ZNF496: variants seen among roughly 807,000 people sequenced by gnomAD.
The protein encoded by ZNF496 is NSD1 (nuclear receptor binding SET-domain containing 1)-interacting zinc finger protein 1.
A neutral mutation model predicts 58.9 loss-of-function variants in ZNF496; 11 were observed. That is an observed-to-expected ratio of 0.19 (90% CI 0.12 to 0.31). The LOEUF is 0.31. Among genes scored for constraint, ZNF496 ranks in the 10% least tolerant of loss-of-function variants. The pLI, the probability that ZNF496 is intolerant of heterozygous loss-of-function variation, is 1.00. For synonymous variants in ZNF496, 338 were observed against 318.2 expected (o/e 1.06, Z -0.66); for missense variants, 660 against 783.0 (o/e 0.84, Z 1.88).
intron 5 of ZNF496, among the ~76,000 whole-genome samples, chr1:247,327,062 CT>C (rs928729699): frequency 6.0e-5 from 9 of 151,242 alleles, no homozygotes; most frequent in African/African-American, 1.9e-4. Context: ...CTCCTAGCTC[CT>C]TTTTTTTTGT....
intron 9 of ZNF496, among the ~76,000 whole-genome samples, chr1:247,302,430 C>T (rs902719856): frequency 4.0e-5 from 6 of 151,856 alleles, no homozygotes; most frequent in South Asian, 2.1e-4. Flanking sequence ...CAAGAACCCA[C>T]GTAGTATAGG....
chr1:247,307,321 T>C (rs1659445638), intron 9 of ZNF496: 1 of 985,482 alleles, frequency 1.0e-6, no homozygotes, highest in Non-Finnish European at 1.2e-6. Context: ...CCTTGGCTTC[T>C]GGCTGTTTCA....
At chr1:247,303,535 G>A (rs1371434149) in intron 9 of ZNF496, among the ~76,000 whole-genome samples, 3 of 152,238 alleles carry the variant, frequency 2.0e-5, no homozygotes, top group Non-Finnish European at 2.9e-5. Flanking sequence ...GTAGAAATAC[G>A]GACGTTATAG....
In ZNF496 at chr1:247,308,695, G is replaced by A; in HGVS notation, c.893-107C>T. The A allele has an allele frequency of 9.2e-7, 1 of 1,083,210 alleles. No individual in the cohort carries two copies. The highest frequency in any genetic ancestry group is 1.4e-6 in the Non-Finnish European group (1 of 732,094). The allele number at this position is 1,083,210 out of a possible 1,614,324, so 67.1% of individuals were successfully genotyped here. On this transcript the variant is annotated intron_variant, in intron 8 of 9. Coordinates refer to ENST00000682384, the MANE Select transcript of ZNF496 (RefSeq NM_032752.3). This position sits in a 1 kb window ranked among gnomAD's most constrained non-coding sequence, Gnocchi z 4.5. ...AGGCTACGATCTGGGGGCGGCCCTG[G>A]GCTCCGTCCTGGGGACTGGCAGGGG... is the stretch of plus-strand genomic sequence containing the variant.
chr1:247,312,067 A>G (rs979734804), intron 6 of ZNF496: 3 of 152,230 alleles, frequency 2.0e-5, no homozygotes, highest in African/African-American at 7.2e-5. Flanking sequence ...TCTCCTAAAC[A>G]GGCTGGCTCA....
chr1:247,330,990 C>T (rs1317304634), intron 2 of ZNF496, among the ~76,000 whole-genome samples: 1 of 152,252 alleles, frequency 6.6e-6, no homozygotes, highest in African/African-American at 2.4e-5. Flanking sequence ...CTCCCCACCA[C>T]CGGATCGCTT....
intron 6 of ZNF496, among the ~76,000 whole-genome samples, chr1:247,317,579 CCG>C (rs1659825897): frequency 6.6e-6 from 1 of 152,156 alleles, no homozygotes; most frequent in East Asian, 1.9e-4. Context: ...AGCCCCCCCC[CCG>C]CCACCAGTGG....
At chr1:247,324,529 C>CTTT (rs35060178) in intron 5 of ZNF496, among the ~76,000 whole-genome samples, 3 of 147,844 alleles carry the variant, frequency 2.0e-5, no homozygotes, top group African/African-American at 5.0e-5. Context: ...ATTAGCTTGA[C>CTTT]TTTTTTTTTT....
intron 5 of ZNF496, among the ~76,000 whole-genome samples, chr1:247,325,720 C>CCTGG (rs1660097694): frequency 6.6e-6 from 1 of 152,070 alleles, no homozygotes; most frequent in African/African-American, 2.4e-5. Context: ...GTCTCAAACT[C>CCTGG]CTGGCCTCAA....
Position 247,328,881 on chromosome 1 carries a change from A to T in ZNF496, c.391-15T>A. The stretch of plus-strand genomic sequence containing the variant: ...CAGTGCTTGAGCTGCAATCCCAGAG[A>T]CAGCTTTTCAGGGCTAGGGGAAGAG... On this transcript the variant is annotated splice_polypyrimidine_tract_variant and intron_variant, in intron 4 of 9. Transcript: ENST00000682384. 1 of 1,572,672 alleles carries T rather than the reference A, an allele frequency of 6.4e-7. No individual in the cohort carries two copies. The highest frequency in any genetic ancestry group is 8.6e-7 in the Non-Finnish European group (1 of 1,158,600).
At chr1:247,323,767 A>AG (rs1236245668) in intron 5 of ZNF496, among the ~76,000 whole-genome samples, 1 of 129,880 alleles carries the variant, frequency 7.7e-6, no homozygotes, top group African/African-American at 2.6e-5. Flanking sequence ...AAAAAGAAAA[A>AG]GAAAAAAAAA....
chr1:247,306,155 A>G (rs1366132591), intron 9 of ZNF496, among the ~76,000 whole-genome samples: 1 of 152,132 alleles, frequency 6.6e-6, no homozygotes, highest in Non-Finnish European at 1.5e-5. Context: ...GGTAATGTAG[A>G]GTAAAAGCCA....
Position 247,300,466 on chromosome 1 carries a change from C to T in ZNF496, c.*53G>A, listed in dbSNP as rs1572066487. 2.6e-6 allele frequency: 4 copies of T among 1,551,898 alleles called. No homozygotes were observed. The highest frequency in any genetic ancestry group is 2.7e-5 in the African/African-American group (2 of 73,364). On this transcript the variant is annotated 3_prime_UTR_variant, in exon 10 of 10. Transcript: ENST00000682384. The surrounding 1 kb of genome is among the most constrained non-coding windows in gnomAD (Gnocchi z 5.7). ...TCCTGGGTGGGGGCGCTGATCAGTA[C>T]CAAGGTGAGGGGGCAGCACCAGCCA... is the stretch of plus-strand genomic sequence containing the variant.
Position 247,308,336 on chromosome 1 carries a change from C to T in ZNF496, c.1006+139G>A, listed in dbSNP as rs1659482963. The stretch of plus-strand genomic sequence containing the variant: ...AATGCACACACTCACACATGCAGCA[C>T]ACCACATATACCACATGTGTATGCA... On this transcript the variant is annotated intron_variant, in intron 9 of 9. Transcript: ENST00000682384. This position sits in a 1 kb window ranked among gnomAD's most constrained non-coding sequence, Gnocchi z 4.5. The T allele has an allele frequency of 1.3e-6, 1 of 784,410 alleles. No individual in the cohort carries two copies. The highest frequency in any genetic ancestry group is 1.6e-5 in the South Asian group (1 of 61,414). 48.6% of individuals were successfully genotyped at this position (784,410 alleles called of 1,614,324 possible). A position where few individuals can be genotyped will look rare whatever the true frequency, so the allele number is the denominator to read the frequency against.
In ZNF496 at chr1:247,308,894, G is replaced by A; in HGVS notation, c.893-306C>T. ...AGCCCCATATTTATTCCCACTTTCT[G>A]TGGTGGGTTTTCTATAGTCATCACC... On this transcript the variant is annotated intron_variant, in intron 8 of 9. Transcript: ENST00000682384. The surrounding 1 kb of genome is among the most constrained non-coding windows in gnomAD (Gnocchi z 4.5). The A allele has an allele frequency of 2.7e-6, 1 of 371,778 alleles. No homozygotes were observed. Among genetic ancestry groups the A allele is most frequent in the Non-Finnish European group, 5.1e-6 (1 of 194,588 alleles). 23.0% of individuals were successfully genotyped at this position (371,778 alleles called of 1,614,324 possible). A position where few individuals can be genotyped will look rare whatever the true frequency, so the allele number is the denominator to read the frequency against.
intron 6 of ZNF496, among the ~76,000 whole-genome samples, chr1:247,317,217 C>T (rs1659810240): frequency 6.6e-6 from 1 of 152,114 alleles, no homozygotes; most frequent in Non-Finnish European, 1.5e-5. Context: ...GACCTTGGAA[C>T]AGTATGTGCT....
chr1:247,318,417 A>G (rs554623056), intron 6 of ZNF496, among the ~76,000 whole-genome samples: 3 of 152,334 alleles, frequency 2.0e-5, no homozygotes, highest in African/African-American at 7.2e-5. Flanking sequence ...ATCTAAAGAA[A>G]TCCATAACAA....
chr1:247,311,729 G>GGATGGCCCTGCCCCTGGCTTTT (rs1553269183), intron 6 of ZNF496: 1 of 152,054 alleles, frequency 6.6e-6, no homozygotes, highest in Non-Finnish European at 1.5e-5. Flanking sequence ...CCAAGGCCCT[G>GGATGGCCCTGCCCCTGGCTTTT]GGTGGTCCCG....
intron 6 of ZNF496, chr1:247,311,505 CA>C: frequency 6.6e-6 from 1 of 151,068 alleles, no homozygotes; most frequent in Non-Finnish European, 1.5e-5. Flanking sequence ...ATTCCAGTTC[CA>C]AAAAAGGGAA....
Sources: allele counts gnomAD v4.1 joint callset (sites outside exome capture counted in the v4.1 genomes callset), GRCh38; gene constraint gnomAD v4.1.1; non-coding constraint Gnocchi (gnomAD v3.1); transcripts MANE v1.5; gene names NCBI Gene and HGNC (gene_info 2026-07-23, HGNC 2026-07-21).